DPP6: variants seen among roughly 807,000 people sequenced by gnomAD.
DPP6 encodes dipeptidyl peptidase like 6.
DPP6 carries 69 observed loss-of-function variants against 122.6 expected under a neutral mutation model. The observed-to-expected ratio is 0.56, with a 90% CI of 0.46 to 0.69. DPP6 has a LOEUF of 0.69. Ranked by LOEUF, DPP6 falls within the 30% of genes least tolerant of loss-of-function variation. The pLI is 0.00. For synonymous variants in DPP6, 418 were observed against 433.1 expected (o/e 0.97, Z 0.43); for missense variants, 928 against 1,116.9 (o/e 0.83, Z 2.41).
intron 1 of DPP6, among the ~76,000 whole-genome samples, chr7:153,962,761 C>G (rs1185143847): frequency 2.0e-5 from 3 of 152,148 alleles, no homozygotes; most frequent in Admixed American, 1.3e-4. Flanking sequence ...CATCTAGAAG[C>G]CTAAGAATCA....
chr7:153,997,862 G>C (rs533773043), intron 1 of DPP6, among the ~76,000 whole-genome samples: 205 of 151,766 alleles, frequency 1.4e-3, no homozygotes, highest in African/African-American at 4.6e-3. Flanking sequence ...GAATAGAGAA[G>C]CACTGGGCAG....
chr7:153,837,746 G>A, the DPP6 span, among the ~76,000 whole-genome samples: 1 of 151,554 alleles, frequency 6.6e-6, no homozygotes, highest in South Asian at 2.1e-4. Flanking sequence ...GGAGTGCAGT[G>A]GCAAGATCTG....
chr7:153,829,063 G>A, the DPP6 span, among the ~76,000 whole-genome samples: 864 of 152,314 alleles, frequency 5.7e-3, 5 homozygotes, highest in Admixed American at 6.3e-3. Context: ...CATCTGCGTA[G>A]CTAGTTAAGC....
At chr7:154,669,911 G>T (rs1057326867) in intron 7 of DPP6, among the ~76,000 whole-genome samples, 1 of 152,062 alleles carries the variant, frequency 6.6e-6, no homozygotes, top group African/African-American at 2.4e-5. Context: ...CCAGGCTGGG[G>T]TGCAGTGGCA....
chr7:153,796,958 T>C, the DPP6 span, among the ~76,000 whole-genome samples: 6 of 152,240 alleles, frequency 3.9e-5, no homozygotes, highest in African/African-American at 1.2e-4. Context: ...CTATGGCTTG[T>C]TTTGCCTCTT....
Position 153,928,396 on chromosome 7 carries a change from A to ATTTTTTTTTT in DPP6, c.51+40678_51+40687dup, listed in dbSNP as rs71182854. On this transcript the variant is annotated intron_variant, in intron 1 of 25. Coordinates refer to the DPP6 transcript ENST00000404039. ...CTGGCTAATTTTTTTCTTTTCTTTC[A>ATTTTTTTTTT]TTTTTTTTTTTTTTTTTTTTTTTTT... Among the ~76,000 whole-genome samples, 91 of 43,696 alleles carry ATTTTTTTTTT rather than the reference A, an allele frequency of 2.1e-3. 13 individuals are homozygous for ATTTTTTTTTT. The highest frequency in any genetic ancestry group is 2.4e-3 in the Non-Finnish European group (54 of 22,864). 28.7% of individuals were successfully genotyped at this position (43,696 alleles called of 152,430 possible).
At chr7:154,159,679 C>T (rs1392328973) in intron 1 of DPP6, among the ~76,000 whole-genome samples, 4 of 152,306 alleles carry the variant, frequency 2.6e-5, no homozygotes, top group African/African-American at 4.8e-5. Context: ...CCATCAGGCA[C>T]GGCACTGCCT....
intron 2 of DPP6, among the ~76,000 whole-genome samples, chr7:154,450,582 T>C (rs1820273862): frequency 6.6e-6 from 1 of 152,150 alleles, no homozygotes; most frequent in African/African-American, 2.4e-5. Context: ...AGAGAGAGCG[T>C]TGCAGTCTCC....
the DPP6 span, among the ~76,000 whole-genome samples, chr7:153,756,459 C>T: frequency 6.6e-6 from 1 of 152,182 alleles, no homozygotes; most frequent in East Asian, 1.9e-4. Context: ...TGTGGTTCAT[C>T]TTCTCCATCT....
chr7:154,229,095 C>T (rs555006435), intron 1 of DPP6, among the ~76,000 whole-genome samples: 36 of 152,206 alleles, frequency 2.4e-4, no homozygotes, highest in African/African-American at 8.2e-4. Context: ...TCTGCTAAAG[C>T]TTTGGCTCTC....
the DPP6 span, among the ~76,000 whole-genome samples, chr7:153,814,270 G>A: frequency 6.6e-6 from 1 of 151,928 alleles, no homozygotes; most frequent in Admixed American, 6.6e-5. Context: ...ATGATAAAGG[G>A]GATATCACCA....
chr7:153,975,991 A>C (rs1796280102), intron 1 of DPP6, among the ~76,000 whole-genome samples: 1 of 152,184 alleles, frequency 6.6e-6, no homozygotes, highest in Non-Finnish European at 1.5e-5. Flanking sequence ...AGTGCCTGGC[A>C]TGTAGAAAAT....
chr7:154,403,615 C>T lies in DPP6; in HGVS notation c.244-42599C>T, dbSNP rs556156504. The stretch of plus-strand genomic sequence containing the variant: ...GCCTTTCTCTGCTGTCTGCACGTGG[C>T]GAAAATGAAAGCATTTCATGGAACC... On this transcript the variant is annotated intron_variant, in intron 1 of 25. Coordinates refer to ENST00000377770, the MANE Select transcript of DPP6 (RefSeq NM_130797.4). This position sits in a 1 kb window ranked among gnomAD's most constrained non-coding sequence, Gnocchi z 4.1. Among the ~76,000 whole-genome samples, 12 of 152,210 alleles carry T rather than the reference C, an allele frequency of 7.9e-5. No individual in the cohort carries two copies. The highest frequency in any genetic ancestry group is 1.6e-4 in the Non-Finnish European group (11 of 67,996).
intron 1 of DPP6, among the ~76,000 whole-genome samples, chr7:154,109,737 A>C (rs1806434099): frequency 6.7e-6 from 1 of 149,052 alleles, no homozygotes; most frequent in African/African-American, 2.5e-5. Context: ...GAATTTTGTG[A>C]GTTGCATAAT....
chr7:154,386,267 A>G (rs1400276794), intron 1 of DPP6, among the ~76,000 whole-genome samples: 1 of 152,098 alleles, frequency 6.6e-6, no homozygotes, highest in Non-Finnish European at 1.5e-5. Context: ...ATTGACCAGG[A>G]GCACCATCTA....
the DPP6 span, among the ~76,000 whole-genome samples, chr7:153,813,257 A>G: frequency 2.8e-5 from 4 of 144,058 alleles, no homozygotes; most frequent in Non-Finnish European, 5.9e-5. Flanking sequence ...GTTCCCACCT[A>G]TGAGTGAGAA....
At chr7:154,010,479 A>C (rs1263449546) in intron 1 of DPP6, among the ~76,000 whole-genome samples, 3 of 152,248 alleles carry the variant, frequency 2.0e-5, no homozygotes, top group Non-Finnish European at 4.4e-5. Context: ...CATAATCTCT[A>C]CTGCCTGCTG....
At chr7:154,106,817 G>T (rs1324926328) in intron 1 of DPP6, among the ~76,000 whole-genome samples, 6 of 152,112 alleles carry the variant, frequency 3.9e-5, no homozygotes, top group Non-Finnish European at 5.9e-5. Context: ...ACGGATGAAG[G>T]TTCAGATCAG....
intron 7 of DPP6, among the ~76,000 whole-genome samples, chr7:154,678,374 G>A (rs1464067711): frequency 6.6e-6 from 1 of 152,216 alleles, no homozygotes; most frequent in Non-Finnish European, 1.5e-5. Flanking sequence ...AAGGTCTGCA[G>A]CTTCACTTCT....
Sources: gnomAD v4.1 joint callset for allele counts (sites outside exome capture counted in the v4.1 genomes callset) on GRCh38, gnomAD v4.1.1 for gene constraint, Gnocchi (gnomAD v3.1) non-coding constraint, MANE v1.5 for transcripts, NCBI Gene and HGNC (gene_info 2026-07-23, HGNC 2026-07-21) for gene names.